CEP63: variants seen among roughly 807,000 people sequenced by gnomAD.
The protein encoded by CEP63 is centrosomal protein of 63 kDa.
A neutral mutation model predicts 89.1 loss-of-function variants in CEP63; 84 were observed. The observed-to-expected ratio is 0.94, with a 90% CI of 0.79 to 1.13. The LOEUF (loss-of-function observed/expected upper bound fraction) is 1.13. Among genes scored for constraint, CEP63 ranks in the 50% most tolerant of loss-of-function variants. The pLI is 0.00. For missense variants in CEP63, 838 were observed against 813.3 expected (o/e 1.03, Z -0.37); for synonymous variants, 267 against 272.5 (o/e 0.98, Z 0.20).
At chr3:134,769,122 G>A in the CEP63 span, among the ~76,000 whole-genome samples, 1 of 151,368 alleles carries the variant, frequency 6.6e-6, no homozygotes, top group Non-Finnish European at 1.5e-5. Flanking sequence ...GATTTTTTTT[G>A]TGAGCTCCAA....
At chr3:134,681,312 C>T in the CEP63 span, among the ~76,000 whole-genome samples, 8 of 152,152 alleles carry the variant, frequency 5.3e-5, no homozygotes, top group Non-Finnish European at 1.2e-4. Context: ...TCTGTGAACA[C>T]GTGGCCCACA....
intron 3 of CEP63, among the ~76,000 whole-genome samples, chr3:134,521,147 A>G (rs568722164): frequency 1.3e-5 from 2 of 152,286 alleles, no homozygotes; most frequent in African/African-American, 2.4e-5. Context: ...AGATATCAAA[A>G]TGACCAGCGA....
the CEP63 span, among the ~76,000 whole-genome samples, chr3:134,772,365 G>A: frequency 9.9e-5 from 15 of 152,114 alleles, no homozygotes; most frequent in East Asian, 5.8e-4. Context: ...TCTGTTAGCC[G>A]GCCATAATGG....
At chr3:134,721,991 T>A in the CEP63 span, among the ~76,000 whole-genome samples, 1 of 152,198 alleles carries the variant, frequency 6.6e-6, no homozygotes, top group East Asian at 1.9e-4. Flanking sequence ...CTTCATAGAA[T>A]GAGTTGGAAA....
rs1957337400 is a variant in CEP63 at position 134,561,475 on chromosome 3, T to C, written c.2052T>C (p.His684=). The C allele has an allele frequency of 1.2e-6, 2 of 1,613,958 alleles. No homozygotes were observed. Among genetic ancestry groups the C allele is most frequent in the Non-Finnish European group, 8.5e-7 (1 of 1,179,942 alleles). The part of the protein sequence containing the change: ...SHHILERLDA[H]IEELKRESEK... Reference sequence around the variant, plus strand: ...ACATTCTAGAGCGCTTGGATGCCCATATTGAAGAACTAAAAAGAGAGAGTG... The same window carrying C: ...ACATTCTAGAGCGCTTGGATGCCCACATTGAAGAACTAAAAAGAGAGAGTG... The change falls in exon 15 of 15, where the codon CAT becomes CAC. Residue 684 remains histidine, a synonymous_variant. Coordinates refer to ENST00000675561, the MANE Select transcript of CEP63 (RefSeq NM_001353108.3).
At chr3:134,556,520 C>T (rs1345343537) in intron 12 of CEP63, among the ~76,000 whole-genome samples, 1 of 152,100 alleles carries the variant, frequency 6.6e-6, no homozygotes, top group African/African-American at 2.4e-5. Context: ...CAATACTAAG[C>T]TAGTAGTGGA....
the CEP63 span, chr3:134,610,248 G>A: frequency 6.2e-7 from 1 of 1,613,958 alleles, no homozygotes; most frequent in Non-Finnish European, 8.5e-7. Context: ...CCCAGGTGCT[G>A]TCCACCAGGT....
At chr3:134,713,190 G>C in the CEP63 span, among the ~76,000 whole-genome samples, 17 of 152,196 alleles carry the variant, frequency 1.1e-4, no homozygotes, top group African/African-American at 4.1e-4. Context: ...ACTTGGAGCA[G>C]CCATTCTCCC....
chr3:134,616,090 C>T, the CEP63 span, among the ~76,000 whole-genome samples: 6 of 152,222 alleles, frequency 3.9e-5, no homozygotes, highest in South Asian at 1.2e-3. Context: ...GGGAATTAAG[C>T]TTGGCTCCTG....
chr3:134,651,620 C>T, the CEP63 span: 2 of 986,884 alleles, frequency 2.0e-6, no homozygotes, highest in Non-Finnish European at 2.4e-6. Flanking sequence ...GTCAGGAGCT[C>T]CCCCCAGTTA....
chr3:134,667,796 C>T, the CEP63 span, among the ~76,000 whole-genome samples: 2 of 152,150 alleles, frequency 1.3e-5, no homozygotes, highest in Non-Finnish European at 2.9e-5. Context: ...GTGACCAAGA[C>T]CCCGGGGCAA....
chr3:134,597,607 G>C, the CEP63 span, among the ~76,000 whole-genome samples: 2 of 152,214 alleles, frequency 1.3e-5, no homozygotes, highest in African/African-American at 4.8e-5. Context: ...CTCTTGCCAG[G>C]CAGCCCCAGC....
the CEP63 span, among the ~76,000 whole-genome samples, chr3:134,690,332 T>C: frequency 6.6e-5 from 10 of 152,202 alleles, no homozygotes; most frequent in African/African-American, 2.4e-4. Context: ...AGTTACTCTG[T>C]CAAGTTGTTA....
chr3:134,610,004 T>C, the CEP63 span, among the ~76,000 whole-genome samples: 7 of 151,834 alleles, frequency 4.6e-5, no homozygotes, highest in African/African-American at 1.7e-4. Flanking sequence ...GAGGGTGAGG[T>C]GACAAAAGGG....
chr3:134,699,651 G>A, the CEP63 span, among the ~76,000 whole-genome samples: 225 of 152,278 alleles, frequency 1.5e-3, 4 homozygotes, highest in East Asian at 0.039. Flanking sequence ...TTCTATGTGG[G>A]AATGTCTCTG....
the CEP63 span, among the ~76,000 whole-genome samples, chr3:134,689,463 A>ATTG: frequency 4.9e-3 from 746 of 151,574 alleles, 3 homozygotes; most frequent in African/African-American, 0.017. Context: ...TATTATTATT[A>ATTG]TTATTTGAGA....
At chr3:134,653,659 A>G in the CEP63 span, among the ~76,000 whole-genome samples, 1 of 152,218 alleles carries the variant, frequency 6.6e-6, no homozygotes, top group African/African-American at 2.4e-5. Flanking sequence ...GTATCAGGAA[A>G]GGGGAAGGAG....
intron 14 of CEP63, among the ~76,000 whole-genome samples, chr3:134,561,126 A>G (rs1240616016): frequency 6.6e-6 from 1 of 152,242 alleles, no homozygotes; most frequent in Non-Finnish European, 1.5e-5. Flanking sequence ...TCTTCAGACC[A>G]ATAACTAATA....
chr3:134,627,270 G>C, the CEP63 span, among the ~76,000 whole-genome samples: 2 of 152,228 alleles, frequency 1.3e-5, no homozygotes, highest in African/African-American at 4.8e-5. Flanking sequence ...AAGAAGTATG[G>C]AGCTGCACCC....
Sources: gnomAD v4.1 joint callset for allele counts (sites outside exome capture counted in the v4.1 genomes callset) on GRCh38, gnomAD v4.1.1 for gene constraint, MANE v1.5 for transcripts, NCBI Gene and HGNC (gene_info 2026-07-23, HGNC 2026-07-21) for gene names.